Variants in CAMK2A observed in about 807,000 individuals in gnomAD.
The protein encoded by CAMK2A is calcium/calmodulin-dependent protein kinase type II subunit alpha.
A neutral mutation model predicts 79.2 loss-of-function variants in CAMK2A; 7 were observed. The observed-to-expected ratio is 0.09, with a 90% CI of 0.05 to 0.17. The LOEUF (loss-of-function observed/expected upper bound fraction) is 0.17. CAMK2A is among the 10% of genes least tolerant of loss of function. CAMK2A has a pLI of 1.00. For missense variants in CAMK2A, 214 were observed against 646.4 expected (o/e 0.33, Z 7.25); for synonymous variants, 242 against 251.7 (o/e 0.96, Z 0.36).
At chr5:150,237,371 C>G (rs1215274977) in intron 15 of CAMK2A, among the ~76,000 whole-genome samples, 1 of 91,374 alleles carries the variant, frequency 1.1e-5, no homozygotes, top group African/African-American at 3.1e-5. Context: ...TTCAGAGACC[C>G]CCCCCTGCCA....
intron 15 of CAMK2A, among the ~76,000 whole-genome samples, chr5:150,231,584 T>C (rs193204058): frequency 1.7e-4 from 26 of 149,082 alleles, no homozygotes; most frequent in African/African-American, 6.1e-4. Flanking sequence ...TCACCCCCAT[T>C]TCACAGAAGA....
intron 14 of CAMK2A, among the ~76,000 whole-genome samples, chr5:150,239,025 G>A (rs950715744): frequency 1.9e-4 from 29 of 152,194 alleles, no homozygotes; most frequent in African/African-American, 2.9e-4. Context: ...CTTTCTGCTC[G>A]AGGGGGTGAA....
chr5:150,266,759 T>C (rs1756530063), intron 2 of CAMK2A, among the ~76,000 whole-genome samples: 1 of 151,834 alleles, frequency 6.6e-6, no homozygotes, highest in African/African-American at 2.4e-5. Flanking sequence ...AATTCCCAAA[T>C]AGAAAAATTA....
intron 3 of CAMK2A, among the ~76,000 whole-genome samples, chr5:150,263,819 G>A (rs908523973): frequency 6.6e-6 from 1 of 152,192 alleles, no homozygotes; most frequent in Non-Finnish European, 1.5e-5. Flanking sequence ...AAGGCCACAT[G>A]GTGAGGACAT....
Position 150,257,561 on chromosome 5 carries a change from A to T in CAMK2A, c.272+2T>A. On this transcript the variant is annotated splice_donor_variant, in intron 4 of 18. Coordinates refer to ENST00000671881, the MANE Select transcript of CAMK2A (RefSeq NM_015981.4). LOFTEE classifies it high-confidence loss of function. ...CGCATCCCAGGGCGGGGCCAAACTC[A>T]CAGGTCGAAGATCAGGTAGTGGTGT... 6.4e-7 allele frequency: 1 copy of T among 1,566,206 alleles called. No individual in the cohort carries two copies. The highest frequency in any genetic ancestry group is 8.7e-7 in the Non-Finnish European group (1 of 1,155,350).
chr5:150,247,584 T>G (rs1755625294), intron 12 of CAMK2A, among the ~76,000 whole-genome samples, 188 bp downstream of exon 12: 1 of 152,122 alleles, frequency 6.6e-6, no homozygotes, highest in South Asian at 2.1e-4. Flanking sequence ...CTGGGCTTGC[T>G]GACTTTTGAC....
At chr5:150,258,566 G>A (rs944982325) in intron 3 of CAMK2A, among the ~76,000 whole-genome samples, 5 of 152,208 alleles carry the variant, frequency 3.3e-5, no homozygotes, top group East Asian at 1.9e-4. Flanking sequence ...CTTTTTTAAA[G>A]GATGTATTTA....
Position 150,256,957 on chromosome 5 carries a change from C to A in CAMK2A, c.273-126G>T. On this transcript the variant is annotated intron_variant, in intron 4 of 18. Transcript: ENST00000671881. The surrounding 1 kb of genome is among the most constrained non-coding windows in gnomAD (Gnocchi z 4.6). ...GGACCTCAGCCACAAAAGGAGGGGCCCCAGGGTCACGGGGGTGTCCCCTGC... is the reference window on the plus strand; with the variant it reads ...GGACCTCAGCCACAAAAGGAGGGGCACCAGGGTCACGGGGGTGTCCCCTGC... 1.4e-6 allele frequency: 1 copy of A among 716,322 alleles called. No homozygotes were observed. Among genetic ancestry groups the A allele is most frequent in the Non-Finnish European group, 2.3e-6 (1 of 434,362 alleles). 44.4% of individuals were successfully genotyped at this position (716,322 alleles called of 1,614,324 possible).
chr5:150,263,057 A>G lies in CAMK2A; in HGVS notation c.217+1899T>C, dbSNP rs150462742. ...GGGAAGAGGGGGGCAGCTTAATGATAATGACTGTCATTGTGCTGTGGTCTA... is the reference window on the plus strand; with the variant it reads ...GGGAAGAGGGGGGCAGCTTAATGATGATGACTGTCATTGTGCTGTGGTCTA... On this transcript the variant is annotated intron_variant, in intron 3 of 18. Transcript: ENST00000671881. Among the ~76,000 whole-genome samples the G allele has an allele frequency of 3.6e-3, 552 of 152,270 alleles. 7 individuals carry two copies. The highest frequency in any genetic ancestry group is 0.034 in the Middle Eastern group (10 of 294).
intron 17 of CAMK2A, among the ~76,000 whole-genome samples, chr5:150,225,627 GC>G (rs1362780484): frequency 1.3e-5 from 2 of 152,194 alleles, no homozygotes; most frequent in African/African-American, 4.8e-5. Context: ...GGGGACCAGT[GC>G]CCCCAGAGGA....
rs757422177 is a variant in CAMK2A at position 150,238,544 on chromosome 5, C to T, written c.1066+156G>A. 3 of 750,060 alleles carry T rather than the reference C, an allele frequency of 4.0e-6. No homozygotes were observed. The South Asian group carries it at 4.4e-5, about 11-fold the overall frequency. 46.5% of individuals were successfully genotyped at this position (750,060 alleles called of 1,614,324 possible). On this transcript the variant is annotated intron_variant, in intron 15 of 18. Transcript: ENST00000671881. The stretch of plus-strand genomic sequence containing the variant: ...ACCCCCGCCCTCCATGGGAATGATG[C>T]CTCCCAGTGTGCCCAGTTTATAAGG...
chr5:150,245,065 A>G, intron 13 of CAMK2A, 96 bp downstream of exon 13: 1 of 1,265,342 alleles, frequency 7.9e-7, no homozygotes, highest in Admixed American at 1.8e-5. Context: ...GGACACCATC[A>G]GCAAGGCCCG....
At chr5:150,230,305 G>C (rs541246102) in intron 16 of CAMK2A, among the ~76,000 whole-genome samples, 53 of 114,478 alleles carry the variant, frequency 4.6e-4, no homozygotes, top group African/African-American at 1.8e-3. Flanking sequence ...GTGACAGAGT[G>C]AGACTCCGTC....
intron 17 of CAMK2A, among the ~76,000 whole-genome samples, chr5:150,225,446 T>C (rs1046962168): frequency 9.2e-5 from 14 of 152,146 alleles, no homozygotes; most frequent in Non-Finnish European, 5.9e-5. Flanking sequence ...GGTGAGCAGA[T>C]GTTTAAGCCT....
rs1240798502 is a variant in CAMK2A, at chr5:150,284,921, C to T, written c.62+4643G>A. Reference sequence around the variant, plus strand: ...CCCTCCACAGAGGGAGGCTACAGAGCGTGGCATCTCTAATGGGGCATTGCA... The same window carrying T: ...CCCTCCACAGAGGGAGGCTACAGAGTGTGGCATCTCTAATGGGGCATTGCA... On this transcript the variant is annotated intron_variant, in intron 1 of 18. Transcript: ENST00000671881. This position sits in a 1 kb window ranked among gnomAD's most constrained non-coding sequence, Gnocchi z 5.3. 1.3e-5 allele frequency among the ~76,000 whole-genome samples: 2 copies of T among 152,170 alleles called. No individual in the cohort carries two copies. Among genetic ancestry groups the T allele is most frequent in the East Asian group, 1.9e-4 (1 of 5,190 alleles).
chr5:150,228,747 T>G (rs1442653634), intron 16 of CAMK2A, among the ~76,000 whole-genome samples: 1 of 152,184 alleles, frequency 6.6e-6, no homozygotes, highest in Non-Finnish European at 1.5e-5. Context: ...AAAAGTGACT[T>G]CTGCTCATCA....
chr5:150,265,992 A>G (rs971074446), intron 2 of CAMK2A, among the ~76,000 whole-genome samples: 1 of 152,186 alleles, frequency 6.6e-6, no homozygotes, highest in Admixed American at 6.5e-5. Context: ...AGAATAAATG[A>G]TTGAATGAAT....
At chr5:150,231,435 A>G in intron 15 of CAMK2A, 55 bp from the exon 16 acceptor site, 2 of 722,396 alleles carry the variant, frequency 2.8e-6, no homozygotes, top group Non-Finnish European at 4.0e-6. Context: ...TAATAATAAT[A>G]ATAATAATAG....
At chr5:150,225,057 A>G (rs1754532118) in intron 17 of CAMK2A, among the ~76,000 whole-genome samples, 1 of 151,210 alleles carries the variant, frequency 6.6e-6, no homozygotes, top group Non-Finnish European at 1.5e-5. Flanking sequence ...AGAGAGAGAG[A>G]GAGAGAGAGA....
Sources: allele counts gnomAD v4.1 joint callset (sites outside exome capture counted in the v4.1 genomes callset), GRCh38; gene constraint gnomAD v4.1.1; non-coding constraint Gnocchi (gnomAD v3.1); transcripts MANE v1.5; gene names NCBI Gene and HGNC (gene_info 2026-07-23, HGNC 2026-07-21).